The following GAPVD1 variants were observed in gnomAD, a reference collection of about 807,000 sequenced individuals.
GAPVD1 encodes the protein GTPase-activating protein and VPS9 domain-containing protein 1.
Under a neutral mutation model 155.5 loss-of-function variants are expected in GAPVD1, and 35 were observed. The observed-to-expected ratio is 0.23, with a 90% CI of 0.17 to 0.30. GAPVD1 has a LOEUF of 0.30. Ranked by LOEUF, GAPVD1 falls within the 10% of genes least tolerant of loss-of-function variation. The pLI, the probability that GAPVD1 is intolerant of heterozygous loss-of-function variation, is 1.00. For synonymous variants in GAPVD1, 636 were observed against 619.7 expected, an observed-to-expected ratio of 1.03 and a Z score of -0.39; for missense variants, 1,429 against 1,775.7, an observed-to-expected ratio of 0.80 and a Z score of 3.51.
intron 2 of GAPVD1, among the ~76,000 whole-genome samples, chr9:125,274,013 A>C (rs751195233): frequency 6.6e-5 from 10 of 151,090 alleles, no homozygotes; most frequent in Non-Finnish European, 1.2e-4. Context: ...TATTATCTTG[A>C]GATGGAGTAG....
intron 2 of GAPVD1, among the ~76,000 whole-genome samples, chr9:125,284,501 A>AG (rs1491320943): frequency 6.6e-6 from 1 of 150,888 alleles, no homozygotes; most frequent in Non-Finnish European, 1.5e-5. Context: ...TTAAAGAGAC[A>AG]GGGTCTCGTT....
In GAPVD1 at chr9:125,350,836, G is replaced by A. The variant is rs778485883; in HGVS notation, c.3533G>A (p.Cys1178Tyr). The change falls in exon 23 of 28, where the codon TGT (cysteine) becomes TAT (tyrosine). Residue 1178 changes from cysteine (C) to tyrosine (Y), a missense_variant. Coordinates refer to ENST00000297933, the MANE Select transcript of GAPVD1 (RefSeq NM_001282680.3). ...RCVCRFDNRT[C>Y]RKLLASIAED... Reference sequence around the variant, plus strand: ...GTGTGCCGTTTTGATAATAGGACTTGTAGGAAACTGCTGGCTTCGATTGCT... The same window carrying A: ...GTGTGCCGTTTTGATAATAGGACTTATAGGAAACTGCTGGCTTCGATTGCT... 6.2e-7 allele frequency: 1 copy of A among 1,613,972 alleles called. No individual in the cohort carries two copies.
chr9:125,330,208 A>C lies in GAPVD1; in HGVS notation c.2163A>C (p.Pro721=), dbSNP rs1845885519. ...TSEAWSVEVL[P]SDSEAPDLKQ... is the part of the protein sequence containing the mutation. The stretch of plus-strand genomic sequence containing the variant: ...AAGCTTGGAGTGTAGAGGTATTGCC[A>C]AGTGACTCAGGTTAGTATGCTGTCA... The change falls in exon 13 of 28, where the codon CCA becomes CCC. Residue 721 remains proline, a synonymous_variant. Transcript: ENST00000297933. 1 of 1,602,976 alleles carries C rather than the reference A, an allele frequency of 6.2e-7. No homozygotes were observed. Among genetic ancestry groups the C allele is most frequent in the South Asian group, 1.1e-5 (1 of 89,200 alleles).
chr9:125,281,074 C>T (rs561429428), intron 2 of GAPVD1, among the ~76,000 whole-genome samples: 1 of 152,132 alleles, frequency 6.6e-6, no homozygotes, highest in Admixed American at 6.6e-5. Context: ...TCACAGTGAA[C>T]TGAAAGAAAA....
At chr9:125,275,004 C>T (rs914102795) in intron 2 of GAPVD1, among the ~76,000 whole-genome samples, 38 of 152,104 alleles carry the variant, frequency 2.5e-4, no homozygotes, top group African/African-American at 8.9e-4. Context: ...TTGCTCTTTT[C>T]GCTTAATGAT....
intron 2 of GAPVD1, among the ~76,000 whole-genome samples, chr9:125,293,849 ATTTTATATATATATATAT>A (rs1839164162): frequency 4.1e-5 from 2 of 48,532 alleles, no homozygotes; most frequent in African/African-American, 2.2e-4. Context: ...ATAAAAATAT[ATTTTATATATATATATAT>A]ATATATATAT....
intron 27 of GAPVD1, 136 bp from the exon 28 acceptor site, chr9:125,362,470 C>CA: frequency 1.4e-6 from 1 of 705,332 alleles, no homozygotes; most frequent in Non-Finnish European, 2.3e-6. Context: ...AGATTACTTC[C>CA]AAAAAATAAC....
At chr9:125,339,787 T>C (rs530828420) in intron 17 of GAPVD1, among the ~76,000 whole-genome samples, 3 of 152,340 alleles carry the variant, frequency 2.0e-5, no homozygotes. Context: ...GAAATCTACT[T>C]TCACTATTCT....
Position 125,355,650 on chromosome 9 carries a change from A to G in GAPVD1, c.3764A>G (p.Gln1255Arg), listed in dbSNP as rs1281768779. 2 of 1,601,872 alleles carry G rather than the reference A, an allele frequency of 1.2e-6. No homozygotes were observed. The highest frequency in any genetic ancestry group is 1.7e-6 in the Non-Finnish European group (2 of 1,170,016). The change falls in exon 25 of 28, where the codon CAG becomes CGG. Residue 1255 changes from glutamine (Q) to arginine (R), a missense_variant. Around this residue, in one of 4 missense-constraint regions of GAPVD1, gnomAD observed 699 missense variants for 826.0 expected, o/e 0.85. Transcript: ENST00000297933. Reference protein sequence around the residue: ...KKIREFIQDFQKLTAADDKTA... With the variant: ...KKIREFIQDFRKLTAADDKTA... ...TTATTATTTTGCTTTGGAGACTTTC[A>G]GAAACTCACCGCAGCTGACGATAAA...
intron 23 of GAPVD1, among the ~76,000 whole-genome samples, chr9:125,353,719 T>A (rs1308554235): frequency 1.3e-5 from 2 of 152,092 alleles, no homozygotes; most frequent in Admixed American, 1.3e-4. Context: ...TGCAGGGAAA[T>A]TCCGTTTTTT....
Position 125,360,539 on chromosome 9 carries a change from A to C in GAPVD1, c.4056A>C (p.Arg1352=). 6.2e-7 allele frequency: 1 copy of C among 1,613,954 alleles called. No individual in the cohort carries two copies. The highest frequency in any genetic ancestry group is 8.5e-7 in the Non-Finnish European group (1 of 1,179,844). ...ATGGTCTCACTTAGGTTTATCTTCG[A>C]GAAGCACCATGGCCATCTGCACAAT... The part of the protein sequence containing the change: ...RALQIPEVYL[R]EAPWPSAQSE... Residue 1352 remains arginine, a synonymous_variant, in exon 27 of 28, where the codon CGA becomes CGC. Coordinates refer to ENST00000297933, the MANE Select transcript of GAPVD1 (RefSeq NM_001282680.3).
intron 20 of GAPVD1, among the ~76,000 whole-genome samples, chr9:125,348,657 G>A (rs1281724093): frequency 6.6e-6 from 1 of 152,058 alleles, no homozygotes; most frequent in Non-Finnish European, 1.5e-5. Context: ...GACCACAGGT[G>A]TGTGCCACCA....
chr9:125,294,405 C>T (rs1429944362), intron 2 of GAPVD1, among the ~76,000 whole-genome samples: 2 of 146,864 alleles, frequency 1.4e-5, no homozygotes, highest in Non-Finnish European at 3.0e-5. Flanking sequence ...TGGAGTGCAG[C>T]GCGTGATCTC....
At position 125,366,308 on chromosome 9, in the gene GAPVD1, T is replaced by G. The variant is rs1239446402; in HGVS notation, c.*3562T>G. On this transcript the variant is annotated 3_prime_UTR_variant, in exon 28 of 28. Coordinates refer to ENST00000297933, the MANE Select transcript of GAPVD1 (RefSeq NM_001282680.3). ...CTGAACCCGGGCACTCTTTTTCCTA[T>G]TGTTTGCCATGGAAATTTCCACTTT... 1 of 152,184 alleles carries G rather than the reference T, an allele frequency of 6.6e-6. No homozygotes were observed. The highest frequency in any genetic ancestry group is 1.5e-5 in the Non-Finnish European group (1 of 68,034). 9.4% of individuals were successfully genotyped at this position (152,184 alleles called of 1,614,324 possible).
intron 23 of GAPVD1, 66 bp from the exon 24 acceptor site, chr9:125,354,588 C>A: frequency 9.5e-7 from 1 of 1,055,072 alleles, no homozygotes; most frequent in African/African-American, 1.6e-5. Flanking sequence ...AAGTTAGGAC[C>A]CTTATTCTTC....
intron 27 of GAPVD1, among the ~76,000 whole-genome samples, chr9:125,361,557 T>C (rs545586157): frequency 2.0e-5 from 3 of 151,936 alleles, no homozygotes; most frequent in Non-Finnish European, 2.9e-5. Context: ...AAGTTCTTAG[T>C]TGGGGCTCAG....
rs1347620539 is a variant in GAPVD1, at chr9:125,302,823, G to C, written c.1026G>C (p.Met342Ile). The change falls in exon 5 of 28, where the codon ATG (methionine) becomes ATC (isoleucine). Residue 342 changes from methionine to isoleucine, a missense_variant. Met to Ile is a conservative substitution (Grantham distance 10). This residue lies in a region of GAPVD1 where 628 missense variants were observed against 733.4 expected (regional missense o/e 0.86). Transcript: ENST00000297933. The part of the protein sequence containing the change: ...PINEVARFNL[M>I]QVGRLLQQLA... ...ATGAAGTAGCACGATTTAATCTGAT[G>C]CAGGTATGCTTTTGCTATTATTATT... is the stretch of plus-strand genomic sequence containing the variant. 4 of 1,590,210 alleles carry C rather than the reference G, an allele frequency of 2.5e-6. No individual in the cohort carries two copies. Among genetic ancestry groups the C allele is most frequent in the Non-Finnish European group, 3.4e-6 (4 of 1,167,888 alleles).
chr9:125,346,391 G>A, intron 19 of GAPVD1: 1 of 213,522 alleles, frequency 4.7e-6, no homozygotes, highest in South Asian at 7.7e-5. Flanking sequence ...ATTATTTAAA[G>A]GGGTTTAAGT....
intron 8 of GAPVD1, among the ~76,000 whole-genome samples, chr9:125,310,198 T>A (rs1253759488): frequency 6.6e-6 from 1 of 152,232 alleles, no homozygotes; most frequent in Non-Finnish European, 1.5e-5. Context: ...AACTTGAATT[T>A]AAATTTGCAA....
Sources: gnomAD v4.1 joint callset for allele counts (sites outside exome capture counted in the v4.1 genomes callset) on GRCh38, gnomAD v4.1.1 for gene constraint, gnomAD v4.1.1 regional missense constraint, MANE v1.5 for transcripts, NCBI Gene and HGNC (gene_info 2026-07-23, HGNC 2026-07-21) for gene names.